BASP1: variants seen among roughly 807,000 people sequenced by gnomAD.
BASP1 encodes brain acid soluble protein 1.
A neutral mutation model predicts 2.2 loss-of-function variants in BASP1; 1 was observed. That is an observed-to-expected ratio of 0.46 (90% CI 0.16 to 2.17). The LOEUF is 2.17. BASP1 is among the 30% of genes most tolerant of loss of function. The pLI, the probability that BASP1 is intolerant of heterozygous loss-of-function variation, is 0.27. For synonymous variants in BASP1, 187 were observed against 154.2 expected (o/e 1.21, Z -1.58); for missense variants, 352 against 327.2 (o/e 1.08, Z -0.58).
chr5:17,233,412 C>G (rs1186281273), intron 1 of BASP1, among the ~76,000 whole-genome samples: 1 of 152,206 alleles, frequency 6.6e-6, no homozygotes, highest in Non-Finnish European at 1.5e-5. Flanking sequence ...GTGTTCCTCC[C>G]CTAACATACA....
intron 1 of BASP1, among the ~76,000 whole-genome samples, chr5:17,244,876 A>G (rs1739945278): frequency 1.3e-5 from 2 of 150,638 alleles, no homozygotes; most frequent in South Asian, 4.2e-4. Context: ...GTTTTAGTAG[A>G]GATGGGGTTT....
Position 17,275,270 on chromosome 5 carries a change from A to C in BASP1, c.54A>C (p.Lys18Asn). The change falls in exon 2 of 2, where the codon AAA becomes AAC. Residue 18 changes from lysine to asparagine, a missense_variant. Coordinates refer to ENST00000322611, the MANE Select transcript of BASP1 (RefSeq NM_006317.5). This position sits in a 1 kb window ranked among gnomAD's most constrained non-coding sequence, Gnocchi z 5.3. ...AGGGCTACAATGTGAACGACGAGAA[A>C]GCCAAGGAGAAAGACAAGAAGGCCG... is the stretch of plus-strand genomic sequence containing the variant. ...KKKGYNVNDE[K>N]AKEKDKKAEG... 1 of 1,614,002 alleles carries C rather than the reference A, an allele frequency of 6.2e-7. No individual in the cohort carries two copies. Among genetic ancestry groups the C allele is most frequent in the Non-Finnish European group, 8.5e-7 (1 of 1,179,994 alleles).
rs776980963 is a variant in BASP1 at position 17,275,685 on chromosome 5, C to A, written c.469C>A (p.Pro157Thr). The A allele has an allele frequency of 6.9e-6, 11 of 1,585,078 alleles. No individual in the cohort carries two copies. In the African/African-American group the frequency reaches 1.4e-4, roughly 20 times the overall value. Reference protein sequence around the residue: ...EPKKTEAPAAPAAQETKSDGA... With the variant: ...EPKKTEAPAATAAQETKSDGA... ...CAAAAAGACTGAGGCGCCCGCAGCT[C>A]CTGCCGCCCAGGAGACCAAAAGTGA... Residue 157 changes from proline to threonine, a missense_variant, in exon 2 of 2, where the codon CCT becomes ACT. Pro to Thr is a conservative substitution (Grantham distance 38). Transcript: ENST00000322611. This position sits in a 1 kb window ranked among gnomAD's most constrained non-coding sequence, Gnocchi z 5.3.
chr5:17,240,802 A>G (rs1158970473), intron 1 of BASP1: 1 of 152,188 alleles, frequency 6.6e-6, no homozygotes, highest in Admixed American at 6.5e-5. Context: ...GTGAGAAGTA[A>G]GTATTGATTC....
At chr5:17,237,485 C>T (rs1739772383) in intron 1 of BASP1, among the ~76,000 whole-genome samples, 3 of 152,276 alleles carry the variant, frequency 2.0e-5, no homozygotes, top group Non-Finnish European at 2.9e-5. Flanking sequence ...TTAGTGACTT[C>T]GGTATGGCTC....
At chr5:17,259,290 T>C (rs555971250) in intron 1 of BASP1, among the ~76,000 whole-genome samples, 2 of 152,312 alleles carry the variant, frequency 1.3e-5, no homozygotes, top group African/African-American at 4.8e-5. Context: ...AGGAAAGACC[T>C]GCCCCCATAA....
Position 17,235,494 on chromosome 5 carries a change from C to T in BASP1, c.-10+17684C>T, listed in dbSNP as rs566758429. ...AGCCAGGATGGTCTCGATCTCATGA[C>T]CTCATGATCAGCCCACCTCGGCCTC... On this transcript the variant is annotated intron_variant, in intron 1 of 1. Coordinates refer to ENST00000322611, the MANE Select transcript of BASP1 (RefSeq NM_006317.5). Among the ~76,000 whole-genome samples, 3 of 152,198 alleles carry T rather than the reference C, an allele frequency of 2.0e-5. No individual in the cohort carries two copies. The East Asian group carries it at 5.8e-4, about 29-fold the overall frequency.
upstream of BASP1, chr5:17,217,105 A>AGAGAGAGT (rs1739264464): frequency 7.4e-6 from 1 of 135,158 alleles, no homozygotes; most frequent in Non-Finnish European, 1.6e-5. Context: ...AGTGAGTGAG[A>AGAGAGAGT]GAGTGAGAGA....
rs556423525 is a variant in BASP1, at chr5:17,261,123, A to C, written c.-9-14085A>C. 2.6e-5 allele frequency among the ~76,000 whole-genome samples: 4 copies of C among 152,270 alleles called. No individual in the cohort carries two copies. The South Asian group carries it at 8.3e-4, about 31-fold the overall frequency. On this transcript the variant is annotated intron_variant, in intron 1 of 1. Transcript: ENST00000322611. The stretch of plus-strand genomic sequence containing the variant: ...TGGTTTATCTAAAGACCAAGACCAG[A>C]TTGCACAGTAAGGACACAATAAGAA...
intron 1 of BASP1, among the ~76,000 whole-genome samples, chr5:17,252,530 A>G (rs886459233): frequency 1.3e-5 from 2 of 152,152 alleles, no homozygotes; most frequent in African/African-American, 4.8e-5. Flanking sequence ...TTCTCTGTGG[A>G]TGTTGTGCCT....
At chr5:17,219,142 C>T (rs1193236848) in intron 1 of BASP1, among the ~76,000 whole-genome samples, 1 of 150,070 alleles carries the variant, frequency 6.7e-6, no homozygotes, top group Non-Finnish European at 1.5e-5. Context: ...GGCCAACAGA[C>T]CCCCAGTATA....
chr5:17,256,344 C>T (rs1740209336), intron 1 of BASP1, among the ~76,000 whole-genome samples: 1 of 152,158 alleles, frequency 6.6e-6, no homozygotes, highest in Non-Finnish European at 1.5e-5. Context: ...ACCTTTGACC[C>T]TTTTAAGAGT....
chr5:17,228,224 A>G (rs902446430), intron 1 of BASP1, among the ~76,000 whole-genome samples: 5 of 152,196 alleles, frequency 3.3e-5, no homozygotes, highest in African/African-American at 1.2e-4. Flanking sequence ...TATTTCTGCC[A>G]TCCAGACAGA....
chr5:17,264,522 A>G (rs1740378054), intron 1 of BASP1, among the ~76,000 whole-genome samples: 1 of 152,244 alleles, frequency 6.6e-6, no homozygotes, highest in Non-Finnish European at 1.5e-5. Flanking sequence ...CCAAGGGTAC[A>G]CAGTTAATGT....
intron 1 of BASP1, among the ~76,000 whole-genome samples, chr5:17,253,058 G>A (rs2652634): frequency 5.9e-5 from 9 of 151,940 alleles, no homozygotes; most frequent in Admixed American, 3.9e-4. Flanking sequence ...AAGAAAAGAC[G>A]AATTCTAGAA....
chr5:17,253,595 ATT>A (rs1227955531), intron 1 of BASP1, among the ~76,000 whole-genome samples: 2 of 152,140 alleles, frequency 1.3e-5, no homozygotes, highest in Non-Finnish European at 2.9e-5. Context: ...TTTCTTCTCT[ATT>A]TTGTTTCTTT....
Position 17,236,614 on chromosome 5 carries a change from C to G in BASP1, c.-10+18804C>G, listed in dbSNP as rs1739753471. On this transcript the variant is annotated intron_variant, in intron 1 of 1. Coordinates refer to ENST00000322611, the MANE Select transcript of BASP1 (RefSeq NM_006317.5). This position sits in a 1 kb window ranked among gnomAD's most constrained non-coding sequence, Gnocchi z 4.0. ...AATGTTCACTGTTTGTTCATATCCTCTCCTGTGTAGTTAGATGGCTACTGA... is the reference window on the plus strand; with the variant it reads ...AATGTTCACTGTTTGTTCATATCCTGTCCTGTGTAGTTAGATGGCTACTGA... 6.6e-6 allele frequency among the ~76,000 whole-genome samples: 1 copy of G among 152,146 alleles called. No individual in the cohort carries two copies. The highest frequency in any genetic ancestry group is 2.1e-4 in the South Asian group (1 of 4,832).
At position 17,265,484 on chromosome 5, in the gene BASP1, G is replaced by A. The variant is rs1248442853; in HGVS notation, c.-9-9724G>A. Reference sequence around the variant, plus strand: ...CATAATTTTGCTTGCCGCCAAAAATGCAGAAGGGCTCTTGAGAGCTATTTG... The same window carrying A: ...CATAATTTTGCTTGCCGCCAAAAATACAGAAGGGCTCTTGAGAGCTATTTG... On this transcript the variant is annotated intron_variant, in intron 1 of 1. Transcript: ENST00000322611. Among the ~76,000 whole-genome samples, 3 of 152,184 alleles carry A rather than the reference G, an allele frequency of 2.0e-5. No homozygotes were observed. The East Asian group carries it at 5.8e-4, about 29-fold the overall frequency.
intron 1 of BASP1, among the ~76,000 whole-genome samples, chr5:17,218,287 T>C (rs990713189): frequency 7.5e-5 from 1 of 13,348 alleles, no homozygotes; most frequent in Admixed American, 7.9e-4. Context: ...GGGGGTGGGG[T>C]GGGGCGGGAG....
Sources: allele counts gnomAD v4.1 joint callset (sites outside exome capture counted in the v4.1 genomes callset), GRCh38; gene constraint gnomAD v4.1.1; non-coding constraint Gnocchi (gnomAD v3.1); transcripts MANE v1.5; gene names NCBI Gene and HGNC (gene_info 2026-07-23, HGNC 2026-07-21).